Variants in SCN10A observed in about 807,000 individuals in gnomAD.
SCN10A encodes sodium channel protein type 10 subunit alpha.
In SCN10A, 162 loss-of-function variants were observed where a neutral mutation model predicts 170.7. The observed-to-expected ratio is 0.95, with a 90% CI of 0.84 to 1.08. SCN10A has a LOEUF of 1.08. SCN10A is among the 50% of genes least tolerant of loss of function. The probability of loss-of-function intolerance (pLI) is 0.00; values close to 1 mark genes in which losing one functional copy is unlikely to be tolerated. For synonymous variants in SCN10A, 985 were observed against 904.6 expected (o/e 1.09, Z -1.59); for missense variants, 2,527 against 2,436.9 (o/e 1.04, Z -0.78).
intron 13 of SCN10A, among the ~76,000 whole-genome samples, chr3:38,742,913 A>C (rs555489730): frequency 5.3e-5 from 8 of 152,232 alleles, no homozygotes; most frequent in African/African-American, 1.4e-4. Context: ...CTGAACTGTG[A>C]ATAGACCCAA....
At chr3:38,735,185 AAAAAG>A (rs1307153278) in intron 15 of SCN10A, among the ~76,000 whole-genome samples, 1 of 151,608 alleles carries the variant, frequency 6.6e-6, no homozygotes, top group Non-Finnish European at 1.5e-5. Flanking sequence ...AAAAAAAAAA[AAAAAG>A]AAAGAAAAGA....
At chr3:38,793,311 T>G (rs562312310) in intron 2 of SCN10A, among the ~76,000 whole-genome samples, 3 of 152,264 alleles carry the variant, frequency 2.0e-5, no homozygotes, top group South Asian at 4.1e-4. Flanking sequence ...AAAACAGTTT[T>G]GGGGACACCA....
chr3:38,717,669 C>T, intron 21 of SCN10A, among the ~76,000 whole-genome samples: 1 of 152,208 alleles, frequency 6.6e-6, no homozygotes, highest in East Asian at 1.9e-4. Context: ...TGAACCTCAT[C>T]CAGCTTCAGG....
chr3:38,715,550 A>T (rs2063326100), intron 21 of SCN10A, among the ~76,000 whole-genome samples: 1 of 152,170 alleles, frequency 6.6e-6, no homozygotes. Context: ...TTCCCTGAGC[A>T]TACTTGTGTC....
intron 1 of SCN10A, among the ~76,000 whole-genome samples, chr3:38,812,038 A>C (rs985935723): frequency 6.6e-6 from 1 of 152,220 alleles, no homozygotes; most frequent in Non-Finnish European, 1.5e-5. Context: ...ACTGCCAATA[A>C]GCTCCAGGGC....
intron 13 of SCN10A, among the ~76,000 whole-genome samples, chr3:38,745,054 G>A (rs1040810338): frequency 6.6e-6 from 1 of 152,180 alleles, no homozygotes; most frequent in Non-Finnish European, 1.5e-5. Context: ...CTAAAAAGAA[G>A]CACAGGAAGT....
Position 38,712,080 on chromosome 3 carries a change from T to G in SCN10A, c.4089+81A>C, listed in dbSNP as rs978934098. The G allele has an allele frequency of 1.7e-5, 24 of 1,410,032 alleles. No individual in the cohort carries two copies. In the African/African-American group the frequency reaches 3.4e-4, roughly 20 times the overall value. 87.3% of individuals were successfully genotyped at this position (1,410,032 alleles called of 1,614,324 possible). On this transcript the variant is annotated intron_variant, in intron 23 of 27. Transcript: ENST00000449082. The stretch of plus-strand genomic sequence containing the variant: ...TGCTACTCCTTGCAAAGTCCCCACA[T>G]AGCATCTTCTGGGAACCTAGACTCT...
chr3:38,805,640 A>T (rs1471039746), intron 1 of SCN10A, among the ~76,000 whole-genome samples: 1 of 152,156 alleles, frequency 6.6e-6, no homozygotes, highest in African/African-American at 2.4e-5. Context: ...AAGATATAGC[A>T]TTTGAAATAG....
chr3:38,736,231 G>A (rs1337069086), intron 15 of SCN10A, among the ~76,000 whole-genome samples: 1 of 152,204 alleles, frequency 6.6e-6, no homozygotes, highest in East Asian at 1.9e-4. Context: ...GAACTGGCAG[G>A]TCCTGATTAT....
At chr3:38,788,512 C>T (rs1165980121) in intron 4 of SCN10A, among the ~76,000 whole-genome samples, 2 of 151,826 alleles carry the variant, frequency 1.3e-5, no homozygotes, top group Non-Finnish European at 1.5e-5. Flanking sequence ...TTAGTTCTGT[C>T]TCAGTTTTGC....
chr3:38,709,648 G>A (rs1475432776), intron 24 of SCN10A, 33 bp from the exon 25 acceptor site: 2 of 1,550,868 alleles, frequency 1.3e-6, no homozygotes, highest in Non-Finnish European at 1.7e-6. Flanking sequence ...GGGAAGGAGG[G>A]TGGGTGTCTT....
chr3:38,762,542 A>G (rs1004682422), intron 6 of SCN10A, among the ~76,000 whole-genome samples: 1 of 152,124 alleles, frequency 6.6e-6, no homozygotes, highest in African/African-American at 2.4e-5. Context: ...TATTTGCAGA[A>G]CCGTAGGTGG....
At chr3:38,739,779 A>C (rs1003747878) in intron 14 of SCN10A, 91 bp from the exon 15 acceptor site, 1 of 1,071,154 alleles carries the variant, frequency 9.3e-7, no homozygotes. Context: ...TTATTTACAA[A>C]ATAGAAAATC....
chr3:38,711,149 T>C (rs1049877708), intron 23 of SCN10A, among the ~76,000 whole-genome samples: 5 of 152,258 alleles, frequency 3.3e-5, no homozygotes, highest in Non-Finnish European at 7.3e-5. Flanking sequence ...TAGTATGGAC[T>C]GAGGACTGAG....
At chr3:38,765,223 C>T (rs1051455174) in intron 5 of SCN10A, among the ~76,000 whole-genome samples, 2 of 152,058 alleles carry the variant, frequency 1.3e-5, no homozygotes, top group Non-Finnish European at 2.9e-5. Flanking sequence ...TAATTAGATC[C>T]CATCTATTTA....
In SCN10A at chr3:38,784,533, T is replaced by C. The variant is rs1486035015; in HGVS notation, c.470+4423A>G. Reference sequence around the variant, plus strand: ...AGCCCCCAGCCAATATCATACTGAATGGGCAAAAACTGGAAGCATTTCCTT... The same window carrying C: ...AGCCCCCAGCCAATATCATACTGAACGGGCAAAAACTGGAAGCATTTCCTT... On this transcript the variant is annotated intron_variant, in intron 4 of 27. Coordinates refer to ENST00000449082, the MANE Select transcript of SCN10A (RefSeq NM_006514.4). Among the ~76,000 whole-genome samples, 10 of 152,272 alleles carry C rather than the reference T, an allele frequency of 6.6e-5. No individual in the cohort carries two copies. The East Asian group carries it at 1.9e-3, about 29-fold the overall frequency.
intron 4 of SCN10A, among the ~76,000 whole-genome samples, chr3:38,773,950 T>TA (rs34667147): frequency 9.9e-5 from 15 of 151,890 alleles, no homozygotes; most frequent in Non-Finnish European, 1.0e-4. Context: ...AAGACACAGG[T>TA]AAAAAAAGCT....
intron 13 of SCN10A, among the ~76,000 whole-genome samples, chr3:38,743,334 T>C (rs2063654486): frequency 6.6e-6 from 1 of 152,194 alleles, no homozygotes; most frequent in Non-Finnish European, 1.5e-5. Context: ...CTCCCACCTA[T>C]TCAAGGCCTG....
chr3:38,770,196 G>A (rs1324736025), intron 5 of SCN10A, among the ~76,000 whole-genome samples: 1 of 152,182 alleles, frequency 6.6e-6, no homozygotes, highest in Non-Finnish European at 1.5e-5. Context: ...CCTCCAGCCG[G>A]TAGGTGATGC....
Sources: allele counts gnomAD v4.1 joint callset (sites outside exome capture counted in the v4.1 genomes callset), GRCh38; gene constraint gnomAD v4.1.1; transcripts MANE v1.5; gene names NCBI Gene and HGNC (gene_info 2026-07-23, HGNC 2026-07-21).